The following PXDNL variants were observed in gnomAD, a reference collection of about 807,000 sequenced individuals.
The protein encoded by PXDNL is probable oxidoreductase PXDNL.
Under a neutral mutation model 150.8 loss-of-function variants are expected in PXDNL, and 145 were observed. That is an observed-to-expected ratio of 0.96 (90% CI 0.84 to 1.10). PXDNL has a LOEUF of 1.10. PXDNL is among the 50% of genes least tolerant of loss of function. PXDNL has a pLI of 0.00. For synonymous variants in PXDNL, 757 were observed against 725.7 expected (o/e 1.04, Z -0.69); for missense variants, 2,087 against 1,873.9 (o/e 1.11, Z -2.10).
At chr8:51,791,881 G>A (rs909214273) in intron 1 of PXDNL, among the ~76,000 whole-genome samples, 4 of 152,020 alleles carry the variant, frequency 2.6e-5, no homozygotes, top group Admixed American at 6.6e-5. Flanking sequence ...CTAGATGCCC[G>A]GGTGAGTAAG....
chr8:51,482,548 G>A (rs565004180), intron 6 of PXDNL, among the ~76,000 whole-genome samples: 37 of 152,058 alleles, frequency 2.4e-4, no homozygotes, highest in Non-Finnish European at 3.2e-4. Context: ...GGCCAGGGGC[G>A]GAATGATATG....
At chr8:51,504,796 C>T (rs1321439717) in intron 4 of PXDNL, among the ~76,000 whole-genome samples, 1 of 152,200 alleles carries the variant, frequency 6.6e-6, no homozygotes, top group Non-Finnish European at 1.5e-5. Context: ...TTTGCATGAG[C>T]ATTGTCTTTG....
chr8:51,607,983 A>G (rs1813879785), intron 2 of PXDNL, among the ~76,000 whole-genome samples: 1 of 133,038 alleles, frequency 7.5e-6, no homozygotes, highest in Non-Finnish European at 1.5e-5. Flanking sequence ...GGAAGGAAGG[A>G]AGAGAGAGAG....
At chr8:51,808,654 C>A (rs972343426) in intron 1 of PXDNL, among the ~76,000 whole-genome samples, 2 of 152,104 alleles carry the variant, frequency 1.3e-5, no homozygotes, top group Non-Finnish European at 2.9e-5. Flanking sequence ...CTCTACTGGA[C>A]CATTTGAGGG....
intron 17 of PXDNL, among the ~76,000 whole-genome samples, chr8:51,404,111 G>A (rs1808361611): frequency 6.6e-6 from 1 of 152,214 alleles, no homozygotes; most frequent in African/African-American, 2.4e-5. Flanking sequence ...CTGGCCTCAG[G>A]AATGAAGCTG....
At chr8:51,453,375 A>T in intron 10 of PXDNL, 144 bp downstream of exon 10, 1 of 917,364 alleles carries the variant, frequency 1.1e-6, no homozygotes, top group Non-Finnish European at 1.6e-6. Context: ...GAAACAGATT[A>T]GCTTTGAAAA....
intron 1 of PXDNL, among the ~76,000 whole-genome samples, chr8:51,762,631 G>C (rs2037177527): frequency 6.6e-6 from 1 of 152,124 alleles, no homozygotes; most frequent in South Asian, 2.1e-4. Context: ...CTCCCACTTT[G>C]AGTTGTCCCA....
chr8:51,517,552 C>T (rs375698849), intron 4 of PXDNL, among the ~76,000 whole-genome samples: 1 of 152,156 alleles, frequency 6.6e-6, no homozygotes, highest in African/African-American at 2.4e-5. Context: ...TTTGCCAGAG[C>T]AGTAGATTTG....
intron 3 of PXDNL, among the ~76,000 whole-genome samples, chr8:51,589,608 A>C (rs1474036295): frequency 1.3e-5 from 2 of 152,200 alleles, no homozygotes; most frequent in Non-Finnish European, 2.9e-5. Context: ...AGTTGCAAAG[A>C]ACTTGGCTGA....
rs532298997 is a variant in PXDNL at position 51,434,970 on chromosome 8, T to A, written c.1526-8212A>T. 3.3e-5 allele frequency among the ~76,000 whole-genome samples: 5 copies of A among 152,308 alleles called. No individual in the cohort carries two copies. The East Asian group carries it at 9.6e-4, about 29-fold the overall frequency. On this transcript the variant is annotated intron_variant, in intron 12 of 22. Transcript: ENST00000356297. Reference sequence around the variant, plus strand: ...AATTAATATATCAATGTCACCCAGATAAAGTGCTCTGTCCTTTCCACATTT... The same window carrying A: ...AATTAATATATCAATGTCACCCAGAAAAAGTGCTCTGTCCTTTCCACATTT...
At chr8:51,544,684 T>A (rs976102513) in intron 4 of PXDNL, among the ~76,000 whole-genome samples, 1 of 152,200 alleles carries the variant, frequency 6.6e-6, no homozygotes, top group African/African-American at 2.4e-5. Context: ...CCCCACAACC[T>A]ACTTTTTAGG....
intron 5 of PXDNL, among the ~76,000 whole-genome samples, chr8:51,492,810 G>A (rs376787049): frequency 3.9e-5 from 6 of 152,184 alleles, no homozygotes; most frequent in East Asian, 3.9e-4. Flanking sequence ...GGAGCCCACC[G>A]CAGCGTAAGG....
intron 1 of PXDNL, among the ~76,000 whole-genome samples, chr8:51,694,837 T>G (rs1731492361): frequency 6.6e-6 from 1 of 152,202 alleles, no homozygotes; most frequent in African/African-American, 2.4e-5. Flanking sequence ...AGAATAAAAT[T>G]TTATGAAATC....
intron 1 of PXDNL, among the ~76,000 whole-genome samples, chr8:51,777,645 G>A (rs1170096758): frequency 1.3e-5 from 2 of 152,210 alleles, no homozygotes; most frequent in East Asian, 3.9e-4. Context: ...CTCATTGCCT[G>A]TAATCCCAGC....
chr8:51,628,389 C>CTTTTT (rs1814408825), intron 2 of PXDNL, among the ~76,000 whole-genome samples: 1 of 92,492 alleles, frequency 1.1e-5, no homozygotes, highest in African/African-American at 3.6e-5. Flanking sequence ...TCTCTGTTTT[C>CTTTTT]TTTTCTTTTC....
intron 3 of PXDNL, among the ~76,000 whole-genome samples, chr8:51,566,949 A>G (rs760981168): frequency 4.0e-5 from 6 of 151,618 alleles, no homozygotes; most frequent in Non-Finnish European, 5.9e-5. Context: ...GGACTGCTTT[A>G]ACTGCATCCC....
In PXDNL at chr8:51,534,218, G is replaced by A. The variant is rs1157142313; in HGVS notation, c.380+22622C>T. Reference sequence around the variant, plus strand: ...AGGAGCGTCTCTGCCCGGCCGCCCCGTCTGAGAAGTAAGGAAACCCTCCGC... The same window carrying A: ...AGGAGCGTCTCTGCCCGGCCGCCCCATCTGAGAAGTAAGGAAACCCTCCGC... On this transcript the variant is annotated intron_variant, in intron 4 of 22. Coordinates refer to ENST00000356297, the MANE Select transcript of PXDNL (RefSeq NM_144651.5). 1.6e-4 allele frequency among the ~76,000 whole-genome samples: 21 copies of A among 131,880 alleles called. 2 individuals are homozygous for A. The highest frequency in any genetic ancestry group is 1.4e-3 in the Admixed American group (20 of 14,210). 86.5% of individuals were successfully genotyped at this position (131,880 alleles called of 152,430 possible).
intron 5 of PXDNL, among the ~76,000 whole-genome samples, chr8:51,488,296 G>A (rs1244657171): frequency 6.6e-6 from 1 of 152,182 alleles, no homozygotes; most frequent in African/African-American, 2.4e-5. Context: ...CTGCAGCCCA[G>A]AGAATCCTAT....
intron 2 of PXDNL, among the ~76,000 whole-genome samples, chr8:51,638,999 G>A (rs1355729902): frequency 1.3e-5 from 2 of 152,146 alleles, no homozygotes; most frequent in African/African-American, 4.8e-5. Flanking sequence ...ACAACAAACT[G>A]TCTCTCAGAC....
Sources: gnomAD v4.1 joint callset for allele counts (sites outside exome capture counted in the v4.1 genomes callset) on GRCh38, gnomAD v4.1.1 for gene constraint, MANE v1.5 for transcripts, NCBI Gene and HGNC (gene_info 2026-07-23, HGNC 2026-07-21) for gene names.